The following FRMPD3 variants were observed in gnomAD, a reference collection of about 807,000 sequenced individuals.
The protein encoded by FRMPD3 is FERM and PDZ domain containing 3, also known as FERM and PDZ domain-containing protein 3.
In FRMPD3, 42 loss-of-function variants were observed where a neutral mutation model predicts 97.9. That is an observed-to-expected ratio of 0.43 (90% CI 0.34 to 0.55). The LOEUF is 0.55. FRMPD3 is among the 20% of genes least tolerant of loss of function. FRMPD3 has a pLI of 0.03. For synonymous variants in FRMPD3, 577 were observed against 581.1 expected, an observed-to-expected ratio of 0.99 and a Z score of 0.10; for missense variants, 1,303 against 1,457.7, an observed-to-expected ratio of 0.89 and a Z score of 1.73.
intron 13 of FRMPD3, among the ~76,000 whole-genome samples, chrX:107,578,346 G>C (rs779753748): frequency 8.9e-6 from 1 of 112,031 alleles, no homozygotes; most frequent in Non-Finnish European, 1.9e-5. Context: ...TTGCTCTGGG[G>C]ATAGTGGCAC....
chrX:107,514,923 C>T (rs1049927644), intron 1 of FRMPD3, among the ~76,000 whole-genome samples: 1 of 111,356 alleles, frequency 9.0e-6, no homozygotes, highest in African/African-American at 3.3e-5. Context: ...TCAAGAATGA[C>T]TCTCAGGTTT....
chrX:107,492,313 C>G (rs969745875), intron 1 of FRMPD3, among the ~76,000 whole-genome samples: 2 of 111,716 alleles, frequency 1.8e-5, no homozygotes, highest in African/African-American at 6.5e-5. Flanking sequence ...TATTAACTAG[C>G]TGTAGATGAG....
At position 107,602,540 on chromosome X, in the gene FRMPD3, C is replaced by A. The variant is rs777281912; in HGVS notation, c.4501C>A (p.Arg1501Ser). 10 of 1,211,558 alleles carry A rather than the reference C, an allele frequency of 8.3e-6. No homozygotes were observed. The highest frequency in any genetic ancestry group is 1.1e-5 in the Non-Finnish European group (10 of 895,520). ...CCSIRYCFYY[R>S]KCDMADDASD... ...CTCCATCCGCTACTGCTTCTACTACCGCAAGTGTGACATGGCAGATGATGC... is the reference window on the plus strand; with the variant it reads ...CTCCATCCGCTACTGCTTCTACTACAGCAAGTGTGACATGGCAGATGATGC... The change falls in exon 15 of 15, where the codon CGC becomes AGC. Residue 1501 changes from arginine to serine, a missense_variant. By Grantham distance (110) the Arg-to-Ser change is moderately radical. This residue lies in a region of FRMPD3 where 764 missense variants were observed against 820.2 expected (regional missense o/e 0.93). Coordinates refer to ENST00000683843, the MANE Select transcript of FRMPD3 (RefSeq NM_001388459.1).
chrX:107,464,400 C>G (rs1427701916), intron 1 of FRMPD3, among the ~76,000 whole-genome samples: 1 of 109,888 alleles, frequency 9.1e-6, no homozygotes, highest in Admixed American at 9.7e-5. Flanking sequence ...TCAGTGATTC[C>G]TTTTGTGATA....
chrX:107,583,550 C>T (rs766335844), intron 13 of FRMPD3, among the ~76,000 whole-genome samples: 2 of 111,935 alleles, frequency 1.8e-5, no homozygotes, highest in Non-Finnish European at 3.8e-5. Context: ...AATAAACATA[C>T]GTGTGCATGT....
At chrX:107,461,282 C>A (rs1052091536) in intron 1 of FRMPD3, among the ~76,000 whole-genome samples, 1 of 111,404 alleles carries the variant, frequency 9.0e-6, no homozygotes, top group Non-Finnish European at 1.9e-5. Context: ...CTCAGGATCT[C>A]CTCTCCAACC....
intron 1 of FRMPD3, among the ~76,000 whole-genome samples, chrX:107,495,591 C>T (rs1921756076): frequency 9.0e-6 from 1 of 111,524 alleles, no homozygotes; most frequent in Non-Finnish European, 1.9e-5. Context: ...CTACTCCTGC[C>T]GTATATACAG....
intron 1 of FRMPD3, among the ~76,000 whole-genome samples, chrX:107,495,409 G>A (rs944497692): frequency 1.8e-5 from 2 of 111,668 alleles, no homozygotes; most frequent in Non-Finnish European, 3.8e-5. Context: ...TTTTTTTACT[G>A]TCTGTGTCTT....
chrX:107,562,191 A>C (rs965821487), intron 10 of FRMPD3, among the ~76,000 whole-genome samples: 2 of 112,672 alleles, frequency 1.8e-5, no homozygotes, highest in African/African-American at 6.4e-5. Context: ...GTGCAAGGAC[A>C]GAAATGCAAA....
chrX:107,454,002 T>C (rs1931336062), intron 1 of FRMPD3, among the ~76,000 whole-genome samples: 1 of 111,904 alleles, frequency 8.9e-6, no homozygotes, highest in Non-Finnish European at 1.9e-5. Flanking sequence ...TTAAGGAACA[T>C]GAGAATGAGC....
At chrX:107,576,215 TTAAC>T in intron 12 of FRMPD3, 96 bp from the exon 13 acceptor site, 1 of 969,652 alleles carries the variant, frequency 1.0e-6, no homozygotes, top group Non-Finnish European at 1.4e-6. Flanking sequence ...TATGGTTCCT[TTAAC>T]TATGCAAGTC....
chrX:107,527,412 A>C (rs1337138728), intron 2 of FRMPD3, among the ~76,000 whole-genome samples: 3 of 112,640 alleles, frequency 2.7e-5, no homozygotes, highest in Non-Finnish European at 5.6e-5. Flanking sequence ...CTGAGGCATA[A>C]TGAAAGAGAA....
intron 12 of FRMPD3, among the ~76,000 whole-genome samples, chrX:107,571,915 T>C (rs1037160112): frequency 1.8e-5 from 2 of 112,484 alleles, no homozygotes; most frequent in Admixed American, 1.9e-4. Flanking sequence ...GAAACCAAAT[T>C]AGTCACACAC....
chrX:107,526,848 A>T, intron 2 of FRMPD3, 112 bp downstream of exon 2: 2 of 826,859 alleles, frequency 2.4e-6, no homozygotes, highest in Non-Finnish European at 3.3e-6. Flanking sequence ...TGAAGAATTC[A>T]TGAAGACTGG....
chrX:107,558,622 C>T (rs1298341901), intron 8 of FRMPD3, among the ~76,000 whole-genome samples: 1 of 111,599 alleles, frequency 9.0e-6, no homozygotes, highest in East Asian at 2.8e-4. Flanking sequence ...TAAAAAATAA[C>T]AGTGCAATAA....
chrX:107,552,798 G>A lies in FRMPD3; in HGVS notation c.514G>A (p.Val172Met). The A allele has an allele frequency of 1.7e-6, 2 of 1,209,726 alleles. No homozygotes were observed. The highest frequency in any genetic ancestry group is 2.2e-6 in the Non-Finnish European group (2 of 894,767). Residue 172 changes from valine (V) to methionine (M), a missense_variant, in exon 7 of 15, where the codon GTG (valine) becomes ATG (methionine). Transcript: ENST00000683843. The part of the protein sequence containing the change: ...TFDGRTTVKD[V>M]MLTLQDRLSL... ...AAGGCTCTTTTCTGTCCCACAGGAT[G>A]TGATGTTGACATTACAGGACCGCCT...
intron 4 of FRMPD3, among the ~76,000 whole-genome samples, chrX:107,539,225 T>C (rs1921171920): frequency 8.9e-6 from 1 of 111,770 alleles, no homozygotes; most frequent in Admixed American, 9.5e-5. Context: ...GAGTGACTCA[T>C]AGCATGGCAG....
rs1184014903 is a variant in FRMPD3, at chrX:107,604,086, G to T, written c.*713G>T. 1 of 109,259 alleles carries T rather than the reference G, an allele frequency of 9.2e-6. No individual in the cohort carries two copies. The highest frequency in any genetic ancestry group is 3.3e-5 in the African/African-American group (1 of 29,953). 9.0% of individuals were successfully genotyped at this position (109,259 alleles called of 1,213,427 possible). A position where few individuals can be genotyped will look rare whatever the true frequency, so the allele number is the denominator to read the frequency against. On this transcript the variant is annotated 3_prime_UTR_variant, in exon 15 of 15. Transcript: ENST00000683843. ...AGTCCACTAGGGAGCAAGCATCTGG[G>T]ATCACCCCACTCATTTTGGGTAAGG...
In FRMPD3 at chrX:107,576,373, G is replaced by T; in HGVS notation, c.1355G>T (p.Gly452Val). Reference sequence around the variant, plus strand: ...ACCAACTTTGCCTGCCTGATCGCGGGGTACTGCCGCCTCTTGCTGGATTCC... The same window carrying T: ...ACCAACTTTGCCTGCCTGATCGCGGTGTACTGCCGCCTCTTGCTGGATTCC... ...EATNFACLIAGYCRLLLDSRK... is the reference protein window; with the variant it reads ...EATNFACLIAVYCRLLLDSRK... Residue 452 changes from glycine (G) to valine (V), a missense_variant, in exon 13 of 15, where the codon GGG becomes GTG. By Grantham distance (109) the Gly-to-Val change is moderately radical. Coordinates refer to ENST00000683843, the MANE Select transcript of FRMPD3 (RefSeq NM_001388459.1). 1.7e-6 allele frequency: 2 copies of T among 1,210,592 alleles called. No individual in the cohort carries two copies. The highest frequency in any genetic ancestry group is 2.2e-6 in the Non-Finnish European group (2 of 895,236).
Sources: allele counts gnomAD v4.1 joint callset (sites outside exome capture counted in the v4.1 genomes callset), GRCh38; gene constraint gnomAD v4.1.1; regional missense constraint gnomAD v4.1.1; transcripts MANE v1.5; gene names NCBI Gene and HGNC (gene_info 2026-07-23, HGNC 2026-07-21).